RBPJ: variants seen among roughly 807,000 people sequenced by gnomAD.
RBPJ encodes recombining binding protein suppressor of hairless.
Under a neutral mutation model 67.8 loss-of-function variants are expected in RBPJ, and 9 were observed. The ratio of observed to expected loss-of-function variants is 0.13; its 90% CI spans 0.08 to 0.23. The LOEUF (loss-of-function observed/expected upper bound fraction) is 0.23, where lower values mean the gene tolerates loss of function less well. RBPJ is among the 10% of genes least tolerant of loss of function. RBPJ has a pLI of 1.00. For synonymous variants in RBPJ, 198 were observed against 203.3 expected (o/e 0.97, Z 0.22); for missense variants, 305 against 595.6 (o/e 0.51, Z 5.08).
chr4:26,157,141 T>G, the RBPJ span, among the ~76,000 whole-genome samples: 2 of 146,606 alleles, frequency 1.4e-5, no homozygotes, highest in African/African-American at 5.0e-5. Flanking sequence ...AACTAAAAAC[T>G]AAATCCAGCA....
At chr4:26,136,029 A>C in the RBPJ span, among the ~76,000 whole-genome samples, 1 of 152,210 alleles carries the variant, frequency 6.6e-6, no homozygotes, top group Non-Finnish European at 1.5e-5. Context: ...GAGCAAAGTC[A>C]TGTCTTACGT....
the RBPJ span, among the ~76,000 whole-genome samples, chr4:26,109,580 TATATATATATATATATATACAGCCA>T: frequency 2.5e-5 from 1 of 40,768 alleles, no homozygotes; most frequent in African/African-American, 1.5e-4. Context: ...TCTCTCTCTC[TATATATATATATATATATACAGCCA>T]CTGTGCCTGT....
chr4:26,402,071 A>G (rs1435331673), intron 2 of RBPJ, among the ~76,000 whole-genome samples: 1 of 151,600 alleles, frequency 6.6e-6, no homozygotes, highest in Non-Finnish European at 1.5e-5. Context: ...TATTTTTAGT[A>G]GAAAGGGGGT....
intron 1 of RBPJ, among the ~76,000 whole-genome samples, chr4:26,287,154 G>A (rs1251813188): frequency 3.9e-5 from 6 of 152,010 alleles, no homozygotes; most frequent in Admixed American, 1.3e-4. Context: ...AGCATGCTAC[G>A]GTAAAAAGAG....
chr4:26,188,112 G>A (rs1001557965), intron 1 of RBPJ, among the ~76,000 whole-genome samples: 85 of 152,258 alleles, frequency 5.6e-4, no homozygotes, highest in African/African-American at 1.9e-3. Context: ...GGGAGGCCAA[G>A]GCACGAAAAT....
In RBPJ at chr4:26,417,369, A is replaced by AGAT. The variant is rs1463261615; in HGVS notation, c.321+1730_321+1732dup. Among the ~76,000 whole-genome samples, 8 of 152,258 alleles carry AGAT rather than the reference A, an allele frequency of 5.3e-5. No homozygotes were observed. In the South Asian group the frequency reaches 8.3e-4, roughly 16 times the overall value. ...ACCTTTAGGGGCTGCCTCAACATGG[A>AGAT]GATCTTTCTGCTGTTTTTCATTATA... On this transcript the variant is annotated intron_variant, in intron 4 of 10. Coordinates refer to ENST00000355476, the MANE Select transcript of RBPJ (RefSeq NM_015874.6).
At chr4:26,205,802 A>G (rs1041560880) in intron 1 of RBPJ, among the ~76,000 whole-genome samples, 6 of 152,054 alleles carry the variant, frequency 3.9e-5, no homozygotes, top group Non-Finnish European at 5.9e-5. Flanking sequence ...CATGTTGGCC[A>G]GGCTGGTTTC....
At chr4:26,423,565 G>A (rs1735350835) in intron 5 of RBPJ, among the ~76,000 whole-genome samples, 1 of 152,184 alleles carries the variant, frequency 6.6e-6, no homozygotes, top group Non-Finnish European at 1.5e-5. Flanking sequence ...CTTCAAAGGT[G>A]GTGGTGTGCT....
intron 1 of RBPJ, among the ~76,000 whole-genome samples, chr4:26,189,797 G>C (rs1717411793): frequency 6.6e-6 from 1 of 152,186 alleles, no homozygotes; most frequent in South Asian, 2.1e-4. Context: ...AATCTTAATA[G>C]TTCCAGAAAA....
intron 1 of RBPJ, among the ~76,000 whole-genome samples, chr4:26,352,566 G>A (rs183521285): frequency 3.0e-4 from 45 of 152,326 alleles, no homozygotes; most frequent in Admixed American, 7.8e-4. Flanking sequence ...TTGGGAGGCC[G>A]AGGTGGGTGC....
chr4:26,145,807 G>C, the RBPJ span, among the ~76,000 whole-genome samples: 1 of 152,166 alleles, frequency 6.6e-6, no homozygotes, highest in South Asian at 2.1e-4. Context: ...CTTCTACTAT[G>C]AGTCAAAATA....
Position 26,388,604 on chromosome 4 carries a change from A to ACT in RBPJ, c.59+2235_59+2236dup, listed in dbSNP as rs60945391. Among the ~76,000 whole-genome samples the ACT allele has an allele frequency of 3.5e-3, 533 of 150,286 alleles. 1 individual carries two copies. The highest frequency in any genetic ancestry group is 6.5e-3 in the African/African-American group (265 of 41,036). On this transcript the variant is annotated intron_variant, in intron 2 of 10. Coordinates refer to ENST00000355476, the MANE Select transcript of RBPJ (RefSeq NM_015874.6). ...TAGAGACATAGAAGATTACACACAC[A>ACT]CTCTCTCTCTCTCTCTCTCTCTCAA...
At position 26,178,018 on chromosome 4, in the gene RBPJ, G is replaced by A. The variant is rs191057727; in HGVS notation, c.-167+14404G>A. On this transcript the variant is annotated intron_variant, in intron 1 of 4. Transcript: ENST00000512351. ...GACTTGGATGGATAGATTGAAAATG[G>A]CCACAATTTATTAGCTACTCTTGCT... Among the ~76,000 whole-genome samples, 1,466 of 152,220 alleles carry A rather than the reference G, an allele frequency of 9.6e-3. 17 individuals are homozygous for A. Among genetic ancestry groups the A allele is most frequent in the Non-Finnish European group, 0.015 (1,012 of 68,006 alleles).
In RBPJ at chr4:26,263,621, G is replaced by A. The variant is rs1720613851; in HGVS notation, c.-166-98825G>A. On this transcript the variant is annotated intron_variant, in intron 1 of 4. Transcript: ENST00000512351. ...GAGTCTCGCTCTGTCACACAGGCTG[G>A]AATGCAACGGCCCGATCTCTGCTCA... Among the ~76,000 whole-genome samples the A allele has an allele frequency of 2.6e-5, 4 of 152,280 alleles. No individual in the cohort carries two copies. The South Asian group carries it at 8.3e-4, about 32-fold the overall frequency.
At chr4:26,362,581 G>A (rs909271915) in intron 1 of RBPJ, 18 of 1,613,678 alleles carry the variant, frequency 1.1e-5, no homozygotes, top group Non-Finnish European at 1.4e-5. Flanking sequence ...GTTCCAAGCT[G>A]TGACTTACCT....
chr4:26,169,742 C>A (rs556915249), intron 1 of RBPJ, among the ~76,000 whole-genome samples: 1 of 152,222 alleles, frequency 6.6e-6, no homozygotes, highest in Admixed American at 6.5e-5. Flanking sequence ...TCGAGCTTCC[C>A]GGCTTTTTTG....
At chr4:26,239,650 T>G (rs962326561) in intron 1 of RBPJ, among the ~76,000 whole-genome samples, 2 of 151,062 alleles carry the variant, frequency 1.3e-5, no homozygotes, top group African/African-American at 4.9e-5. Flanking sequence ...ATGGTGTAGT[T>G]AATGCATCCT....
At chr4:26,287,993 A>G (rs1012971238) in intron 1 of RBPJ, among the ~76,000 whole-genome samples, 5 of 152,238 alleles carry the variant, frequency 3.3e-5, no homozygotes, top group East Asian at 1.9e-4. Flanking sequence ...TTCCCACTCA[A>G]TGATCCTAAG....
chr4:26,316,655 GATATAT>G (rs200406295), upstream of RBPJ, among the ~76,000 whole-genome samples: 3 of 110,286 alleles, frequency 2.7e-5, no homozygotes, highest in Admixed American at 2.7e-4. Flanking sequence ...TACACATATT[GATATAT>G]ATATATATAC....
Sources: allele counts gnomAD v4.1 joint callset (sites outside exome capture counted in the v4.1 genomes callset), GRCh38; gene constraint gnomAD v4.1.1; transcripts MANE v1.5; gene names NCBI Gene and HGNC (gene_info 2026-07-23, HGNC 2026-07-21).